The following CCDC171 variants were observed in gnomAD, a reference collection of about 807,000 sequenced individuals.
The protein encoded by CCDC171 is coiled-coil domain-containing protein 171.
A neutral mutation model predicts 168.2 loss-of-function variants in CCDC171; 177 were observed. The ratio of observed to expected loss-of-function variants is 1.05; its 90% CI spans 0.93 to 1.19. The LOEUF is 1.19. Ranked by LOEUF, CCDC171 falls within the 50% of genes most tolerant of loss-of-function variation. The pLI is 0.00. For missense variants in CCDC171, 1,991 were observed against 1,539.0 expected (o/e 1.29, Z -4.91); for synonymous variants, 687 against 540.8 (o/e 1.27, Z -3.75).
chr9:16,088,317 C>A, the CCDC171 span, among the ~76,000 whole-genome samples: 1 of 152,168 alleles, frequency 6.6e-6, no homozygotes, highest in South Asian at 2.1e-4. Context: ...TGGCACAAGA[C>A]AAGGATGCCC....
chr9:15,630,325 A>G (rs1443600259), intron 7 of CCDC171, among the ~76,000 whole-genome samples: 1 of 152,220 alleles, frequency 6.6e-6, no homozygotes, highest in African/African-American at 2.4e-5. Flanking sequence ...AAAAGGATGG[A>G]GGAAGATCTA....
chr9:15,659,899 A>G (rs2048193705), intron 8 of CCDC171, among the ~76,000 whole-genome samples: 1 of 152,208 alleles, frequency 6.6e-6, no homozygotes, highest in African/African-American at 2.4e-5. Flanking sequence ...AATGTTAGTT[A>G]CCAGAATTAT....
chr9:15,860,037 A>T (rs2061496273), intron 23 of CCDC171, among the ~76,000 whole-genome samples: 1 of 150,480 alleles, frequency 6.6e-6, no homozygotes, highest in African/African-American at 2.5e-5. Context: ...CTTAGAATTT[A>T]TCCGTTTCTT....
intron 24 of CCDC171, among the ~76,000 whole-genome samples, chr9:15,918,732 C>T (rs991615217): frequency 8.6e-5 from 13 of 151,410 alleles, no homozygotes; most frequent in Admixed American, 3.3e-4. Flanking sequence ...CCCTTTTATG[C>T]CTAGCCTATA....
chr9:15,602,024 G>A lies in CCDC171; in HGVS notation c.675+7852G>A, dbSNP rs185399704. ...AGGCATCTGTCTTTCATTATGAGGTGTACAGAAAAATGTGGGAATATGCTC... is the reference window on the plus strand; with the variant it reads ...AGGCATCTGTCTTTCATTATGAGGTATACAGAAAAATGTGGGAATATGCTC... On this transcript the variant is annotated intron_variant, in intron 6 of 25. Transcript: ENST00000380701. Among the ~76,000 whole-genome samples the A allele has an allele frequency of 3.1e-4, 47 of 152,260 alleles. No individual in the cohort carries two copies. In the East Asian group the frequency reaches 8.3e-3, roughly 27 times the overall value.
intron 25 of CCDC171, among the ~76,000 whole-genome samples, chr9:15,926,235 C>G (rs1198615193): frequency 1.3e-5 from 2 of 151,588 alleles, no homozygotes; most frequent in Non-Finnish European, 3.0e-5. Flanking sequence ...TGACTTGGGT[C>G]TTATGGATAG....
intron 25 of CCDC171, among the ~76,000 whole-genome samples, chr9:15,930,710 C>T (rs890031693): frequency 6.6e-6 from 1 of 151,568 alleles, no homozygotes; most frequent in Non-Finnish European, 1.5e-5. Context: ...AGTTTGTTTT[C>T]AAAAATGTGT....
chr9:15,590,830 T>TTTC (rs1260268452), intron 4 of CCDC171, among the ~76,000 whole-genome samples: 6 of 146,538 alleles, frequency 4.1e-5, no homozygotes, highest in African/African-American at 7.7e-5. Flanking sequence ...TCTTTCTTTC[T>TTTC]TTCTTCTTCT....
chr9:15,655,565 C>T (rs1448888004), intron 7 of CCDC171, among the ~76,000 whole-genome samples: 1 of 152,160 alleles, frequency 6.6e-6, no homozygotes, highest in Non-Finnish European at 1.5e-5. Flanking sequence ...AATTAGACTT[C>T]ATCATAATGA....
At chr9:16,010,990 A>T (rs1284469591) in intron 3 of CCDC171, among the ~76,000 whole-genome samples, 2 of 152,116 alleles carry the variant, frequency 1.3e-5, no homozygotes, top group Non-Finnish European at 2.9e-5. Flanking sequence ...GATGACCCTG[A>T]TTTATTCAGT....
intron 25 of CCDC171, among the ~76,000 whole-genome samples, chr9:15,953,755 A>T (rs1829466875): frequency 6.6e-6 from 1 of 152,110 alleles, no homozygotes; most frequent in Non-Finnish European, 1.5e-5. Context: ...ACTAATGTTA[A>T]TTCTTCTTTA....
In CCDC171 at chr9:15,578,791, T is replaced by A. The variant is rs76084813; in HGVS notation, c.178-58T>A. ...AAGTTTCTCTAAGAAACTTAAATGT[T>A]TGAGTGTATGATCTCATAATCTTTG... is the stretch of plus-strand genomic sequence containing the variant. On this transcript the variant is annotated intron_variant, in intron 3 of 25. Transcript: ENST00000380701. The A allele has an allele frequency of 2.0e-5, 28 of 1,367,878 alleles. No individual in the cohort carries two copies. In the East Asian group the frequency reaches 6.2e-4, roughly 30 times the overall value. 84.7% of individuals were successfully genotyped at this position (1,367,878 alleles called of 1,614,324 possible). A position where few individuals can be genotyped will look rare whatever the true frequency, so the allele number is the denominator to read the frequency against.
intron 24 of CCDC171, among the ~76,000 whole-genome samples, chr9:15,885,277 C>A (rs1343784217): frequency 1.3e-5 from 2 of 152,056 alleles, no homozygotes; most frequent in African/African-American, 4.8e-5. Context: ...ACTCTGAGTT[C>A]TAGGTGGCCC....
intron 3 of CCDC171, among the ~76,000 whole-genome samples, chr9:15,993,441 T>A (rs200459174): frequency 1.3e-5 from 2 of 152,100 alleles, no homozygotes; most frequent in East Asian, 3.9e-4. Flanking sequence ...ACAAAAATTA[T>A]TTCAAGATGG....
chr9:15,995,429 T>G (rs1303774473), intron 3 of CCDC171, among the ~76,000 whole-genome samples: 1 of 152,196 alleles, frequency 6.6e-6, no homozygotes, highest in Non-Finnish European at 1.5e-5. Context: ...TGGTGAGAAA[T>G]TCACTCCTTG....
intron 24 of CCDC171, chr9:15,876,180 A>G (rs996822104): frequency 2.6e-5 from 4 of 152,130 alleles, no homozygotes; most frequent in African/African-American, 9.7e-5. Context: ...AGAGACCCAC[A>G]GTTTAAACTA....
the CCDC171 span, among the ~76,000 whole-genome samples, chr9:16,098,546 A>G: frequency 1.3e-5 from 2 of 152,220 alleles, no homozygotes; most frequent in Non-Finnish European, 2.9e-5. Flanking sequence ...GTTTTGGCAT[A>G]TGTACAATGG....
chr9:15,823,674 C>T (rs1353895176), intron 21 of CCDC171, among the ~76,000 whole-genome samples: 1 of 152,036 alleles, frequency 6.6e-6, no homozygotes, highest in East Asian at 1.9e-4. Context: ...TGTAATGTTG[C>T]ATGAAAGGCT....
Position 15,623,258 on chromosome 9 carries a change from A to G in CCDC171, c.676-9A>G, listed in dbSNP as rs1319686422. The stretch of plus-strand genomic sequence containing the variant: ...AACTTTATTGATGCAAAAATGAATT[A>G]TTTTCCAGGAGCAAGATACTGCTGT... On this transcript the variant is annotated splice_polypyrimidine_tract_variant and intron_variant, in intron 6 of 25. Transcript: ENST00000380701. The G allele has an allele frequency of 6.5e-7, 1 of 1,545,314 alleles. No homozygotes were observed. The highest frequency in any genetic ancestry group is 8.8e-7 in the Non-Finnish European group (1 of 1,141,534).
Sources: allele counts gnomAD v4.1 joint callset (sites outside exome capture counted in the v4.1 genomes callset), GRCh38; gene constraint gnomAD v4.1.1; transcripts MANE v1.5; gene names NCBI Gene and HGNC (gene_info 2026-07-23, HGNC 2026-07-21).